The following KCNIP4 variants were observed in gnomAD, a reference collection of about 807,000 sequenced individuals.
KCNIP4 encodes the protein Kv channel-interacting protein 4.
A neutral mutation model predicts 34.0 loss-of-function variants in KCNIP4; 12 were observed. The ratio of observed to expected loss-of-function variants is 0.35; its 90% CI spans 0.23 to 0.57. KCNIP4 has a LOEUF of 0.57. Ranked by LOEUF, KCNIP4 falls within the 20% of genes least tolerant of loss-of-function variation. The pLI is 0.83. For missense variants in KCNIP4, 238 were observed against 311.7 expected, an observed-to-expected ratio of 0.76 and a Z score of 1.78; for synonymous variants, 124 against 102.2, an observed-to-expected ratio of 1.21 and a Z score of -1.29.
chr4:21,476,461 G>A (rs1264033107), intron 1 of KCNIP4, among the ~76,000 whole-genome samples: 1 of 152,134 alleles, frequency 6.6e-6, no homozygotes, highest in African/African-American at 2.4e-5. Context: ...AGAGGAAGAT[G>A]TTTCTCCCCT....
intron 1 of KCNIP4, among the ~76,000 whole-genome samples, chr4:21,218,350 C>T (rs957077332): frequency 1.3e-5 from 2 of 151,984 alleles, no homozygotes; most frequent in Non-Finnish European, 2.9e-5. Context: ...GGTGTGCTTT[C>T]CAGTACCTGA....
intron 1 of KCNIP4, among the ~76,000 whole-genome samples, chr4:21,236,188 G>T (rs1405335568): frequency 6.6e-6 from 1 of 151,992 alleles, no homozygotes; most frequent in East Asian, 1.9e-4. Flanking sequence ...TACTTTAATG[G>T]TCTTAATTTT....
chr4:21,016,694 C>A (rs1249585474), intron 1 of KCNIP4, among the ~76,000 whole-genome samples: 1 of 151,996 alleles, frequency 6.6e-6, no homozygotes, highest in Non-Finnish European at 1.5e-5. Context: ...CTCACTGCAA[C>A]CTCCGCCTTC....
At chr4:20,792,246 C>A (rs1712852985) in intron 3 of KCNIP4, among the ~76,000 whole-genome samples, 1 of 151,922 alleles carries the variant, frequency 6.6e-6, no homozygotes, top group Non-Finnish European at 1.5e-5. Flanking sequence ...TGGTGGAGGG[C>A]ACCTGTAATC....
chr4:21,380,847 C>T (rs1365841498), intron 1 of KCNIP4, among the ~76,000 whole-genome samples: 1 of 151,866 alleles, frequency 6.6e-6, no homozygotes, highest in African/African-American at 2.4e-5. Flanking sequence ...GTGACACACA[C>T]ACACACACAC....
At chr4:21,858,532 G>A (rs1321361286) in intron 1 of KCNIP4, among the ~76,000 whole-genome samples, 1 of 152,168 alleles carries the variant, frequency 6.6e-6, no homozygotes, top group African/African-American at 2.4e-5. Flanking sequence ...TCTCCATGGA[G>A]TTTACATAGA....
chr4:21,188,740 G>A (rs1017395850), intron 1 of KCNIP4, among the ~76,000 whole-genome samples: 2 of 152,250 alleles, frequency 1.3e-5, no homozygotes, highest in Non-Finnish European at 2.9e-5. Flanking sequence ...CATCCCGAAG[G>A]AAACTTCATA....
intron 3 of KCNIP4, among the ~76,000 whole-genome samples, chr4:20,847,652 C>G (rs1457794452): frequency 6.6e-6 from 1 of 152,084 alleles, no homozygotes; most frequent in Non-Finnish European, 1.5e-5. Context: ...CCCTTCCTCT[C>G]ATTTCCAATC....
chr4:21,393,977 C>G lies in KCNIP4; in HGVS notation c.62-511268G>C, dbSNP rs187232253. ...ATGTCTGGATAATTCATTCATTTAC[C>G]AAGTGTTGGTTCAATCCCTACTTGC... On this transcript the variant is annotated intron_variant, in intron 1 of 8. Coordinates refer to ENST00000382152, the MANE Select transcript of KCNIP4 (RefSeq NM_025221.6). Among the ~76,000 whole-genome samples, 5 of 152,186 alleles carry G rather than the reference C, an allele frequency of 3.3e-5. No homozygotes were observed. The East Asian group carries it at 9.7e-4, about 29-fold the overall frequency.
At chr4:20,948,238 A>C (rs1483092441) in intron 1 of KCNIP4, among the ~76,000 whole-genome samples, 1 of 152,238 alleles carries the variant, frequency 6.6e-6, no homozygotes, top group African/African-American at 2.4e-5. Context: ...AGTAAGTGAA[A>C]GAGAATGTGA....
At chr4:21,442,159 G>A (rs1038196581) in intron 1 of KCNIP4, among the ~76,000 whole-genome samples, 4 of 152,128 alleles carry the variant, frequency 2.6e-5, no homozygotes, top group Admixed American at 6.5e-5. Flanking sequence ...TCCAGAACCT[G>A]CCAGTGAAAG....
chr4:21,006,160 T>A (rs1738539305), intron 1 of KCNIP4, among the ~76,000 whole-genome samples: 1 of 152,186 alleles, frequency 6.6e-6, no homozygotes. Flanking sequence ...GCTATGTAGA[T>A]GAAGGCACTA....
At chr4:21,181,794 T>C (rs1270834479) in intron 1 of KCNIP4, among the ~76,000 whole-genome samples, 1 of 152,132 alleles carries the variant, frequency 6.6e-6, no homozygotes, top group South Asian at 2.1e-4. Flanking sequence ...ATTCTTTCCT[T>C]TGGGCCTTTA....
intron 1 of KCNIP4, among the ~76,000 whole-genome samples, chr4:21,859,278 C>G (rs962280017): frequency 5.9e-5 from 9 of 152,104 alleles, no homozygotes; most frequent in Non-Finnish European, 1.2e-4. Flanking sequence ...CACTTGACTT[C>G]CCTTCATCGC....
chr4:21,828,027 A>C (rs924385601), intron 1 of KCNIP4, among the ~76,000 whole-genome samples: 1 of 151,490 alleles, frequency 6.6e-6, no homozygotes, highest in Admixed American at 6.6e-5. Flanking sequence ...TAAAAAAAAA[A>C]AAACCTGTAG....
chr4:21,446,385 A>C (rs1397381380), intron 1 of KCNIP4, among the ~76,000 whole-genome samples: 1 of 151,992 alleles, frequency 6.6e-6, no homozygotes, highest in Non-Finnish European at 1.5e-5. Context: ...AAATGTCCAA[A>C]AATGATAGAC....
At chr4:21,665,734 C>T (rs1384160917) in intron 1 of KCNIP4, among the ~76,000 whole-genome samples, 1 of 152,094 alleles carries the variant, frequency 6.6e-6, no homozygotes, top group East Asian at 1.9e-4. Context: ...ATCATAAGGG[C>T]GTATCAGGCA....
chr4:21,155,604 A>G (rs902907846), intron 1 of KCNIP4, among the ~76,000 whole-genome samples: 2 of 152,184 alleles, frequency 1.3e-5, no homozygotes, highest in African/African-American at 2.4e-5. Context: ...GTGAGGGCAT[A>G]AGAAAGCCAT....
At chr4:20,955,842 TA>T (rs1560599212) in intron 1 of KCNIP4, among the ~76,000 whole-genome samples, 1 of 152,238 alleles carries the variant, frequency 6.6e-6, no homozygotes, top group African/African-American at 2.4e-5. Flanking sequence ...TTTAGTTCCA[TA>T]TTAAGTAATA....
Sources: allele counts gnomAD v4.1 joint callset (sites outside exome capture counted in the v4.1 genomes callset), GRCh38; gene constraint gnomAD v4.1.1; transcripts MANE v1.5; gene names NCBI Gene and HGNC (gene_info 2026-07-23, HGNC 2026-07-21).